SLIT2: variants seen among roughly 807,000 people sequenced by gnomAD.
SLIT2 encodes the protein slit homolog 2 protein.
Under a neutral mutation model 185.7 loss-of-function variants are expected in SLIT2, and 41 were observed. That is an observed-to-expected ratio of 0.22 (90% CI 0.17 to 0.29). SLIT2 has a LOEUF of 0.29. SLIT2 is among the 10% of genes least tolerant of loss of function. The probability of loss-of-function intolerance (pLI) is 1.00; values close to 1 mark genes in which losing one functional copy is unlikely to be tolerated. For synonymous variants in SLIT2, 693 were observed against 680.2 expected (o/e 1.02, Z -0.29); for missense variants, 1,571 against 1,909.0 (o/e 0.82, Z 3.30).
At chr4:20,549,842 A>G (rs558668540) in intron 24 of SLIT2, among the ~76,000 whole-genome samples, 1 of 152,164 alleles carries the variant, frequency 6.6e-6, no homozygotes, top group South Asian at 2.1e-4. Context: ...GGGAGGAACC[A>G]GAACTGATTC....
intron 4 of SLIT2, among the ~76,000 whole-genome samples, chr4:20,319,522 G>T (rs958705941): frequency 2.8e-4 from 42 of 151,944 alleles, no homozygotes; most frequent in African/African-American, 9.9e-4. Context: ...GAAAAAAATG[G>T]CAGTGTAACA....
At chr4:20,437,812 G>A (rs544917268) in intron 4 of SLIT2, among the ~76,000 whole-genome samples, 5 of 151,056 alleles carry the variant, frequency 3.3e-5, no homozygotes, top group African/African-American at 9.7e-5. Flanking sequence ...CTACTTGGGA[G>A]GTTGAGGCAG....
chr4:20,264,924 T>A (rs1393704617), intron 3 of SLIT2, among the ~76,000 whole-genome samples: 1 of 151,912 alleles, frequency 6.6e-6, no homozygotes, highest in East Asian at 1.9e-4. Context: ...GACTTATATA[T>A]CACTATATCT....
At chr4:20,407,224 A>G (rs922595109) in intron 4 of SLIT2, among the ~76,000 whole-genome samples, 1 of 152,128 alleles carries the variant, frequency 6.6e-6, no homozygotes, top group African/African-American at 2.4e-5. Flanking sequence ...AGATGAGTCC[A>G]TTTTGTTAAG....
chr4:20,294,412 G>A (rs1419790433), intron 4 of SLIT2, among the ~76,000 whole-genome samples: 2 of 151,804 alleles, frequency 1.3e-5, no homozygotes, highest in Non-Finnish European at 2.9e-5. Context: ...TATAAAGCCA[G>A]GTAAATATAC....
intron 29 of SLIT2, among the ~76,000 whole-genome samples, chr4:20,575,226 C>G (rs1166211920): frequency 6.6e-6 from 1 of 152,170 alleles, no homozygotes; most frequent in South Asian, 2.1e-4. Context: ...AAATTTCATG[C>G]TTATGTTTAT....
intron 4 of SLIT2, among the ~76,000 whole-genome samples, chr4:20,398,558 ACT>A: frequency 6.6e-6 from 1 of 151,562 alleles, no homozygotes; most frequent in South Asian, 2.1e-4. Context: ...TTTCAGCTGG[ACT>A]CTCTTTTATC....
At chr4:20,461,168 C>T (rs537195099) in intron 4 of SLIT2, among the ~76,000 whole-genome samples, 7 of 152,046 alleles carry the variant, frequency 4.6e-5, no homozygotes, top group Admixed American at 2.0e-4. Flanking sequence ...CTCCATCTCA[C>T]GGTGATAGGA....
chr4:20,453,645 A>G (rs1175899198), intron 4 of SLIT2, among the ~76,000 whole-genome samples: 1 of 152,226 alleles, frequency 6.6e-6, no homozygotes, highest in Non-Finnish European at 1.5e-5. Context: ...ACACTAATAA[A>G]TGACACAACT....
At chr4:20,536,283 C>T (rs916219353) in intron 18 of SLIT2, among the ~76,000 whole-genome samples, 1 of 152,048 alleles carries the variant, frequency 6.6e-6, no homozygotes, top group Non-Finnish European at 1.5e-5. Flanking sequence ...CGGCCTGGCA[C>T]GGAGGCTCAC....
intron 29 of SLIT2, 93 bp from the exon 30 acceptor site, chr4:20,589,551 C>T (rs1415733321): frequency 5.3e-6 from 5 of 940,084 alleles, no homozygotes; most frequent in African/African-American, 1.6e-5. Flanking sequence ...CACAAGCTGC[C>T]CTAACCTCTA....
At chr4:20,418,694 A>G (rs990548550) in intron 4 of SLIT2, among the ~76,000 whole-genome samples, 2 of 152,224 alleles carry the variant, frequency 1.3e-5, no homozygotes, top group African/African-American at 4.8e-5. Flanking sequence ...GTAACTGCAT[A>G]TTAGGATTGA....
chr4:20,265,180 C>T (rs548296836), intron 3 of SLIT2, among the ~76,000 whole-genome samples: 1 of 152,016 alleles, frequency 6.6e-6, no homozygotes, highest in South Asian at 2.1e-4. Flanking sequence ...CAATTAGAAG[C>T]TAGGCTACTT....
chr4:20,423,728 G>A (rs576693638), intron 4 of SLIT2, among the ~76,000 whole-genome samples: 126 of 152,152 alleles, frequency 8.3e-4, no homozygotes, highest in African/African-American at 2.8e-3. Flanking sequence ...ATTGAAGGTA[G>A]AACTCATAAA....
chr4:20,569,284 A>C, intron 29 of SLIT2: 1 of 370,020 alleles, frequency 2.7e-6, no homozygotes, highest in Non-Finnish European at 5.0e-6. Flanking sequence ...CCCACAATTA[A>C]ATGGCATTTT....
intron 4 of SLIT2, among the ~76,000 whole-genome samples, chr4:20,415,913 G>A (rs907391370): frequency 1.3e-5 from 2 of 152,132 alleles, no homozygotes; most frequent in East Asian, 1.9e-4. Context: ...GTTTGTGAGC[G>A]GGGTCTTTGA....
chr4:20,529,309 A>T (rs1721578048), intron 16 of SLIT2, among the ~76,000 whole-genome samples: 1 of 152,270 alleles, frequency 6.6e-6, no homozygotes, highest in Non-Finnish European at 1.5e-5. Context: ...AAGTACAGAA[A>T]CTAATTTATC....
intron 4 of SLIT2, among the ~76,000 whole-genome samples, chr4:20,460,842 G>C (rs1713626408): frequency 6.6e-6 from 1 of 152,078 alleles, no homozygotes; most frequent in South Asian, 2.1e-4. Context: ...TTAAATTACA[G>C]AATTTTACTA....
At chr4:20,384,990 A>G (rs1379956261) in intron 4 of SLIT2, among the ~76,000 whole-genome samples, 1 of 152,158 alleles carries the variant, frequency 6.6e-6, no homozygotes, top group Non-Finnish European at 1.5e-5. Context: ...CAAAATCTTT[A>G]CAGTCATTCT....
Sources: allele counts gnomAD v4.1 joint callset (sites outside exome capture counted in the v4.1 genomes callset), GRCh38; gene constraint gnomAD v4.1.1; transcripts MANE v1.5; gene names NCBI Gene and HGNC (gene_info 2026-07-23, HGNC 2026-07-21).